Variants in PLCB4 observed in about 807,000 individuals in gnomAD.
PLCB4 encodes the protein phospholipase C beta 4.
In PLCB4, 77 loss-of-function variants were observed where a neutral mutation model predicts 178.8. The ratio of observed to expected loss-of-function variants is 0.43; its 90% CI spans 0.36 to 0.52. The LOEUF (loss-of-function observed/expected upper bound fraction) is 0.52. Ranked by LOEUF, PLCB4 falls within the 20% of genes least tolerant of loss-of-function variation. The pLI, the probability that PLCB4 is intolerant of heterozygous loss-of-function variation, is 0.00. For synonymous variants in PLCB4, 496 were observed against 490.8 expected, an observed-to-expected ratio of 1.01 and a Z score of -0.14; for missense variants, 1,024 against 1,453.4, an observed-to-expected ratio of 0.70 and a Z score of 4.80.
At chr20:9,174,020 C>T (rs146161709) in intron 2 of PLCB4, among the ~76,000 whole-genome samples, 12 of 152,150 alleles carry the variant, frequency 7.9e-5, no homozygotes, top group African/African-American at 1.9e-4. Flanking sequence ...CACAAATTAC[C>T]GTATCTAGGT....
intron 2 of PLCB4, among the ~76,000 whole-genome samples, chr20:9,135,500 C>A (rs534605446): frequency 6.6e-6 from 1 of 152,196 alleles, no homozygotes; most frequent in African/African-American, 2.4e-5. Flanking sequence ...GCCAGAACTA[C>A]AAAGCACGAC....
intron 3 of PLCB4, 69 bp from the exon 4 acceptor site, chr20:9,307,731 G>A (rs1048251232): frequency 3.4e-5 from 21 of 624,172 alleles, no homozygotes; most frequent in South Asian, 4.9e-5. Flanking sequence ...ACAGAAATGC[G>A]AAGTGATTAA....
At chr20:9,406,902 T>C (rs1048578482) in intron 21 of PLCB4, among the ~76,000 whole-genome samples, 2 of 152,234 alleles carry the variant, frequency 1.3e-5, no homozygotes, top group Non-Finnish European at 1.5e-5. Context: ...AGCAAAAATA[T>C]TGATCACTTT....
chr20:9,375,728 T>C (rs993957812), intron 12 of PLCB4, among the ~76,000 whole-genome samples: 3 of 152,166 alleles, frequency 2.0e-5, no homozygotes, highest in Non-Finnish European at 2.9e-5. Flanking sequence ...CCTAGTCTCA[T>C]TTGCAGATGT....
rs116415748 is a variant in PLCB4, at chr20:9,468,346, A to C, written c.3249-225A>C. ...TAGTCATATTGCTATAAACAGAAGT[A>C]TTTTTGTTTTTTTCCATGCTTAAAT... On this transcript the variant is annotated intron_variant, in intron 35 of 39. Transcript: ENST00000378473. Among the ~76,000 whole-genome samples, 2,995 of 152,234 alleles carry C rather than the reference A, an allele frequency of 0.02. 96 individuals are homozygous for C. Among genetic ancestry groups the C allele is most frequent in the African/African-American group, 0.067 (2,791 of 41,530 alleles).
chr20:9,224,245 C>T (rs2093835916), intron 3 of PLCB4, among the ~76,000 whole-genome samples: 1 of 152,192 alleles, frequency 6.6e-6, no homozygotes, highest in Non-Finnish European at 1.5e-5. Flanking sequence ...GAGCTGTGCT[C>T]TGGGAGCGCT....
chr20:9,473,413 T>C, intron 38 of PLCB4, 48 bp downstream of exon 38: 1 of 1,067,438 alleles, frequency 9.4e-7, no homozygotes, highest in Non-Finnish European at 1.4e-6. Flanking sequence ...TAGCCAGCTT[T>C]GGGATACACA....
chr20:9,116,229 C>A (rs1354481927), intron 2 of PLCB4, among the ~76,000 whole-genome samples: 1 of 151,980 alleles, frequency 6.6e-6, no homozygotes, highest in Non-Finnish European at 1.5e-5. Flanking sequence ...CAGTTCAATT[C>A]CCCTCACTCC....
chr20:9,083,829 G>T (rs2090277860), intron 1 of PLCB4, among the ~76,000 whole-genome samples: 1 of 152,192 alleles, frequency 6.6e-6, no homozygotes, highest in Non-Finnish European at 1.5e-5. Context: ...AAAGAGAGAG[G>T]TCTCAGGAGA....
chr20:9,155,493 A>G (rs1288922760), intron 2 of PLCB4, among the ~76,000 whole-genome samples: 1 of 152,168 alleles, frequency 6.6e-6, no homozygotes, highest in Non-Finnish European at 1.5e-5. Flanking sequence ...TTAGCTGTCA[A>G]TCTACTGCAG....
intron 2 of PLCB4, among the ~76,000 whole-genome samples, chr20:9,098,426 A>C: frequency 6.6e-6 from 1 of 152,028 alleles, no homozygotes; most frequent in Non-Finnish European, 1.5e-5. Flanking sequence ...TTTCGCATTT[A>C]TCCAACATTA....
rs73068489 is a variant in PLCB4, at chr20:9,453,048, A to G, written c.2881-299A>G. Among the ~76,000 whole-genome samples the G allele has an allele frequency of 7.5e-3, 1,147 of 152,278 alleles. 8 individuals are homozygous for G. The highest frequency in any genetic ancestry group is 0.012 in the Non-Finnish European group (799 of 68,024). ...ATGAATGGGTGGAAATACTACAGAG[A>G]TGTGTATATGTAGAAGAAAGGACTT... On this transcript the variant is annotated intron_variant, in intron 32 of 39. Coordinates refer to ENST00000378473, the MANE Select transcript of PLCB4 (RefSeq NM_001377142.1).
At chr20:9,314,582 T>C (rs2094877497) in intron 4 of PLCB4, among the ~76,000 whole-genome samples, 2 of 152,144 alleles carry the variant, frequency 1.3e-5, no homozygotes, top group African/African-American at 4.8e-5. Context: ...CTTTCTGAAA[T>C]GACGAAGAAC....
At chr20:9,090,604 A>G (rs1390212112) in intron 1 of PLCB4, among the ~76,000 whole-genome samples, 1 of 151,988 alleles carries the variant, frequency 6.6e-6, no homozygotes, top group Admixed American at 6.6e-5. Context: ...AATTGCTGGA[A>G]AAGTTAACCT....
At chr20:9,472,962 C>T in intron 37 of PLCB4, 115 bp downstream of exon 37, 1 of 618,172 alleles carries the variant, frequency 1.6e-6, no homozygotes, top group Non-Finnish European at 2.8e-6. Flanking sequence ...GTACATTAAA[C>T]ATTCCAGCTT....
At chr20:9,133,615 G>A (rs1353477469) in intron 2 of PLCB4, among the ~76,000 whole-genome samples, 1 of 152,092 alleles carries the variant, frequency 6.6e-6, no homozygotes, top group Non-Finnish European at 1.5e-5. Context: ...GTGAGTTCAG[G>A]GTGAGCTAGC....
intron 7 of PLCB4, among the ~76,000 whole-genome samples, chr20:9,345,447 T>A (rs1333783077): frequency 6.6e-6 from 1 of 152,210 alleles, no homozygotes; most frequent in East Asian, 1.9e-4. Context: ...TCTAGCAAAG[T>A]TGAAGGCAGT....
At chr20:9,421,998 A>C (rs202046070) in intron 27 of PLCB4, among the ~76,000 whole-genome samples, 1 of 152,208 alleles carries the variant, frequency 6.6e-6, no homozygotes, top group Non-Finnish European at 1.5e-5. Flanking sequence ...AAAAACAATC[A>C]CAGCCATTCT....
At chr20:9,430,446 G>A (rs952512515) in intron 28 of PLCB4, among the ~76,000 whole-genome samples, 4 of 152,114 alleles carry the variant, frequency 2.6e-5, no homozygotes, top group Non-Finnish European at 5.9e-5. Context: ...TTTCTTAAAG[G>A]TAAAGGCAGC....
Sources: gnomAD v4.1 joint callset for allele counts (sites outside exome capture counted in the v4.1 genomes callset) on GRCh38, gnomAD v4.1.1 for gene constraint, MANE v1.5 for transcripts, NCBI Gene and HGNC (gene_info 2026-07-23, HGNC 2026-07-21) for gene names.